ANKUB1: variants seen among roughly 807,000 people sequenced by gnomAD.
ANKUB1 encodes the protein protein ANKUB1.
ANKUB1 carries 42 observed loss-of-function variants against 49.3 expected under a neutral mutation model. The observed-to-expected ratio is 0.85, with a 90% CI of 0.67 to 1.10. The LOEUF (loss-of-function observed/expected upper bound fraction) is 1.10. Among genes scored for constraint, ANKUB1 ranks in the 50% least tolerant of loss-of-function variants. The pLI is 0.00. For synonymous variants in ANKUB1, 222 were observed against 231.0 expected, an observed-to-expected ratio of 0.96 and a Z score of 0.35; for missense variants, 613 against 642.0, an observed-to-expected ratio of 0.95 and a Z score of 0.49.
Position 149,767,510 on chromosome 3 carries a change from A to C in ANKUB1, c.1152T>G (p.Thr384=), listed in dbSNP as rs1205079717. 6.4e-7 allele frequency: 1 copy of C among 1,551,642 alleles called. No homozygotes were observed. The highest frequency in any genetic ancestry group is 1.2e-5 in the South Asian group (1 of 84,056). The change falls in exon 5 of 6, where the codon ACT becomes ACG. Residue 384 remains threonine, a synonymous_variant. Coordinates refer to ENST00000446160, the MANE Select transcript of ANKUB1 (RefSeq NM_001144960.3). ...AAGGATTGACAGGTTTGCTGCTTGC[A>C]GTTTGTTTGCTGAGAGATGGTAGCT... ...VLKLPSLSKQ[T]ASSKPVNPLA... is the part of the protein sequence containing the mutation.
chr3:149,768,027 A>G lies in ANKUB1; in HGVS notation c.635T>C (p.Leu212Pro). ...CTCGTGGGGCCGCGCACCCTGCTTC[A>G]GGGCCCATTCAGTGAGTTCAATGTA... The part of the protein sequence containing the change: ...CGYIELTEWA[L>P]KQGARPHEAV... Residue 212 changes from leucine (L) to proline (P), a missense_variant, in exon 5 of 6, where the codon CTG (leucine) becomes CCG (proline). Transcript: ENST00000446160. The G allele has an allele frequency of 6.8e-7, 1 of 1,481,434 alleles. No individual in the cohort carries two copies. The highest frequency in any genetic ancestry group is 9.0e-7 in the Non-Finnish European group (1 of 1,110,596). The allele number at this position is 1,481,434 out of a possible 1,614,324, so 91.8% of individuals were successfully genotyped here.
intron 5 of ANKUB1, among the ~76,000 whole-genome samples, chr3:149,764,992 T>G (rs1014465901): frequency 6.6e-6 from 1 of 152,142 alleles, no homozygotes; most frequent in East Asian, 1.9e-4. Flanking sequence ...TGAACGCAGA[T>G]GTCCACCAAA....
At position 149,767,744 on chromosome 3, in the gene ANKUB1, A is replaced by C. The variant is rs3821406; in HGVS notation, c.918T>G (p.Ile306Met). 7.6e-3 allele frequency: 11,756 copies of C among 1,551,572 alleles called. 408 individuals are homozygous for C. The East Asian group carries it at 0.11, about 15-fold the overall frequency. ...KMWSTVSFPK[I>M]SVPMRIYIKI... ...TAATATAAATCCTCATTGGGACTGA[A>C]ATTTTTGGAAAAGAAACTGTGGACC... The change falls in exon 5 of 6, where the codon ATT becomes ATG. Residue 306 changes from isoleucine to methionine, a missense_variant. Transcript: ENST00000446160.
intron 2 of ANKUB1, among the ~76,000 whole-genome samples, chr3:149,784,396 C>G (rs770663441): frequency 2.6e-5 from 4 of 152,150 alleles, no homozygotes; most frequent in Non-Finnish European, 4.4e-5. Flanking sequence ...CCTATCCACC[C>G]CAACTTTGAA....
chr3:149,779,497 G>C (rs985527017), intron 3 of ANKUB1: 6 of 152,192 alleles, frequency 3.9e-5, no homozygotes, highest in Non-Finnish European at 8.8e-5. Context: ...TATTTAGAGA[G>C]AGGTTGTAAT....
intron 3 of ANKUB1, among the ~76,000 whole-genome samples, chr3:149,777,387 G>A (rs146341715): frequency 1.8e-3 from 281 of 152,032 alleles, no homozygotes; most frequent in African/African-American, 6.6e-3. Flanking sequence ...CAGGGGAATC[G>A]CTTGAACCTG....
intron 1 of ANKUB1, 74 bp downstream of exon 1, chr3:149,792,203 C>T: frequency 1.8e-6 from 2 of 1,085,510 alleles, no homozygotes; most frequent in Admixed American, 3.5e-5. Context: ...CATCTCTACC[C>T]TTTGTACATT....
intron 2 of ANKUB1, among the ~76,000 whole-genome samples, chr3:149,789,963 T>C (rs1450722591): frequency 2.0e-5 from 3 of 152,206 alleles, no homozygotes; most frequent in African/African-American, 7.2e-5. Context: ...AAGAAAGAGT[T>C]AACTTTGACT....
chr3:149,764,260 A>G (rs1443372041), intron 5 of ANKUB1, among the ~76,000 whole-genome samples: 3 of 152,106 alleles, frequency 2.0e-5, no homozygotes, highest in Non-Finnish European at 4.4e-5. Flanking sequence ...TGTGACTTCT[A>G]TGGGGAACTT....
At chr3:149,790,200 A>G (rs987161993) in intron 2 of ANKUB1, among the ~76,000 whole-genome samples, 1 of 152,192 alleles carries the variant, frequency 6.6e-6, no homozygotes, top group Non-Finnish European at 1.5e-5. Flanking sequence ...CTCCAGGCAC[A>G]TTAATTTTGT....
At position 149,761,214 on chromosome 3, in the gene ANKUB1, T is replaced by G; in HGVS notation, c.*270A>C. ...AAAATTCCCACTTCCTTGTTTTCCA[T>G]TGTCTCAGCTCCCCTACCCTGTGGA... On this transcript the variant is annotated 3_prime_UTR_variant, in exon 6 of 6. Coordinates refer to ENST00000446160, the MANE Select transcript of ANKUB1 (RefSeq NM_001144960.3). 4.0e-6 allele frequency: 1 copy of G among 249,378 alleles called. No individual in the cohort carries two copies. The highest frequency in any genetic ancestry group is 7.5e-6 in the Non-Finnish European group (1 of 133,060). 15.4% of individuals were successfully genotyped at this position (249,378 alleles called of 1,614,324 possible). A position where few individuals can be genotyped will look rare whatever the true frequency, so the allele number is the denominator to read the frequency against.
At chr3:149,777,646 AAC>A (rs1256888593) in intron 3 of ANKUB1, among the ~76,000 whole-genome samples, 1 of 152,138 alleles carries the variant, frequency 6.6e-6, no homozygotes, top group Non-Finnish European at 1.5e-5. Flanking sequence ...CGCTCTGCAG[AAC>A]AGTCTCCTGC....
intron 3 of ANKUB1, among the ~76,000 whole-genome samples, chr3:149,777,404 G>A (rs970986403): frequency 4.0e-5 from 6 of 151,702 alleles, no homozygotes; most frequent in East Asian, 2.0e-4. Flanking sequence ...CCTGGGAGGC[G>A]GAGGTCGCAG....
intron 3 of ANKUB1, chr3:149,778,738 A>T (rs1418878108): frequency 6.6e-6 from 1 of 152,240 alleles, no homozygotes; most frequent in East Asian, 1.9e-4. Flanking sequence ...GAAAAAAATT[A>T]TGTCAAAGTT....
intron 3 of ANKUB1, among the ~76,000 whole-genome samples, chr3:149,777,262 A>G (rs1717638702): frequency 6.6e-6 from 1 of 152,194 alleles, no homozygotes; most frequent in South Asian, 2.1e-4. Context: ...TCAGAAGATC[A>G]GGAGATGGAG....
At chr3:149,763,762 C>G (rs1428318058) in intron 5 of ANKUB1, among the ~76,000 whole-genome samples, 1 of 152,182 alleles carries the variant, frequency 6.6e-6, no homozygotes, top group Non-Finnish European at 1.5e-5. Flanking sequence ...GAATGAGACT[C>G]TATGTGACCT....
intron 5 of ANKUB1, among the ~76,000 whole-genome samples, chr3:149,762,615 T>G (rs1462778284): frequency 6.6e-6 from 1 of 152,214 alleles, no homozygotes; most frequent in Non-Finnish European, 1.5e-5. Flanking sequence ...CTATAGTCTT[T>G]CCACATCTTT....
chr3:149,774,952 A>T (rs892746099), intron 3 of ANKUB1, among the ~76,000 whole-genome samples: 2 of 152,228 alleles, frequency 1.3e-5, no homozygotes, highest in African/African-American at 4.8e-5. Flanking sequence ...GAGAGAGGAA[A>T]ACTAATAAGC....
At chr3:149,768,138 A>G (rs1373665789) in intron 4 of ANKUB1, 43 bp from the exon 5 acceptor site, 2 of 1,260,906 alleles carry the variant, frequency 1.6e-6, no homozygotes, top group South Asian at 2.5e-5. Flanking sequence ...TTAGAAAATC[A>G]GCAAACAGAC....
Sources: gnomAD v4.1 joint callset for allele counts (sites outside exome capture counted in the v4.1 genomes callset) on GRCh38, gnomAD v4.1.1 for gene constraint, MANE v1.5 for transcripts, NCBI Gene and HGNC (gene_info 2026-07-23, HGNC 2026-07-21) for gene names.